The following ZNF611 variants were observed in gnomAD, a reference collection of about 807,000 sequenced individuals.
The protein encoded by ZNF611 is zinc finger protein 611.
Under a neutral mutation model 8.9 loss-of-function variants are expected in ZNF611, and 6 were observed. The ratio of observed to expected loss-of-function variants is 0.68; its 90% CI spans 0.37 to 1.34. ZNF611 has a LOEUF of 1.34. Ranked by LOEUF, ZNF611 falls within the 40% of genes most tolerant of loss-of-function variation. The pLI, the probability that ZNF611 is intolerant of heterozygous loss-of-function variation, is 0.02. For synonymous variants in ZNF611, 262 were observed against 279.7 expected (o/e 0.94, Z 0.63); for missense variants, 874 against 841.3 (o/e 1.04, Z -0.48).
intron 5 of ZNF611, chr19:52,708,491 C>CT (rs2062259413): frequency 6.6e-6 from 1 of 152,010 alleles, no homozygotes; most frequent in Admixed American, 6.6e-5. Context: ...GAGCGAGACT[C>CT]TGTCTCAAAA....
chr19:52,718,667 G>A (rs1055653020), intron 3 of ZNF611, among the ~76,000 whole-genome samples: 1 of 151,932 alleles, frequency 6.6e-6, no homozygotes, highest in African/African-American at 2.4e-5. Flanking sequence ...CCATGGTGGT[G>A]CGTGCCTCTA....
intron 1 of ZNF611, among the ~76,000 whole-genome samples, chr19:52,731,209 G>C (rs1293413121): frequency 6.6e-6 from 1 of 152,054 alleles, no homozygotes; most frequent in East Asian, 1.9e-4. Flanking sequence ...TGAAATTAGA[G>C]GCGTGTGCCA....
intron 3 of ZNF611, among the ~76,000 whole-genome samples, chr19:52,725,944 G>C (rs1195706293): frequency 6.6e-6 from 1 of 152,238 alleles, no homozygotes; most frequent in East Asian, 1.9e-4. Context: ...TGTTTTTCGG[G>C]TGTTTGGAGG....
intron 5 of ZNF611, among the ~76,000 whole-genome samples, chr19:52,713,133 T>C (rs79360371): frequency 0.03 from 4,628 of 151,762 alleles, 147 homozygotes; most frequent in African/African-American, 0.075. Flanking sequence ...AAGGAGGAGG[T>C]TGCAGTGAGC....
intron 3 of ZNF611, among the ~76,000 whole-genome samples, chr19:52,728,340 A>G (rs2062405048): frequency 6.6e-6 from 1 of 152,146 alleles, no homozygotes; most frequent in African/African-American, 2.4e-5. Flanking sequence ...GAAGTTCAAG[A>G]CCAGCCTGGC....
intron 3 of ZNF611, among the ~76,000 whole-genome samples, chr19:52,717,974 C>T (rs2062328866): frequency 1.3e-5 from 2 of 152,096 alleles, no homozygotes. Context: ...CATAGAGAAA[C>T]AATTTTAAAA....
In ZNF611 at chr19:52,728,710, A is replaced by G. The variant is rs1198908205; in HGVS notation, c.-20+20T>C. 4 of 152,672 alleles carry G rather than the reference A, an allele frequency of 2.6e-5. No individual in the cohort carries two copies. Among genetic ancestry groups the G allele is most frequent in the African/African-American group, 7.2e-5 (3 of 41,454 alleles). The allele number at this position is 152,672 out of a possible 1,614,324, so 9.5% of individuals were successfully genotyped here. On this transcript the variant is annotated intron_variant, in intron 3 of 5. Transcript: ENST00000652185. ...TCATTTACTTCCTTGTCTGTTTGAGATAGGGTGTAGCTCACTCACCCAAGC... is the reference window on the plus strand; with the variant it reads ...TCATTTACTTCCTTGTCTGTTTGAGGTAGGGTGTAGCTCACTCACCCAAGC...
At chr19:52,706,931 A>C in intron 5 of ZNF611, 67 bp from the exon 6 acceptor site, 1 of 1,532,120 alleles carries the variant, frequency 6.5e-7, no homozygotes, top group South Asian at 1.3e-5. Flanking sequence ...GAAGTGCATA[A>C]ATATGACACA....
intron 3 of ZNF611, among the ~76,000 whole-genome samples, chr19:52,719,207 C>T (rs952551745): frequency 2.2e-4 from 34 of 152,134 alleles, no homozygotes; most frequent in Non-Finnish European, 4.4e-4. Context: ...CACAAAAAAA[C>T]CAACCACATG....
rs113094312 is a variant in ZNF611, at chr19:52,711,896, C to T, written c.190+2119G>A. Among the ~76,000 whole-genome samples, 7 of 151,082 alleles carry T rather than the reference C, an allele frequency of 4.6e-5. No homozygotes were observed. The East Asian group carries it at 7.7e-4, about 17-fold the overall frequency. On this transcript the variant is annotated intron_variant, in intron 5 of 5. Transcript: ENST00000652185. ...CCAGGAAAGGAAGGGCAAGGGTGGA[C>T]GGCAGGAAGTAATGGGCATGTAGGA...
rs1440993612 is a variant in ZNF611, at chr19:52,706,849, C to T, written c.206G>A (p.Cys69Tyr). The T allele has an allele frequency of 3.1e-6, 5 of 1,609,300 alleles. No homozygotes were observed. Among genetic ancestry groups the T allele is most frequent in the Non-Finnish European group, 4.2e-6 (5 of 1,178,368 alleles). The change falls in exon 6 of 6, where the codon TGC (cysteine) becomes TAC (tyrosine). Residue 69 changes from cysteine (C) to tyrosine (Y), a missense_variant. Coordinates refer to ENST00000652185, the MANE Select transcript of ZNF611 (RefSeq NM_001161499.2). ...TGTTGACAAGACCTCCTTCATCATG[C>T]ATTTGGAAGAGATATCTACAAAATA... The part of the protein sequence containing the change: ...NLEAVDISSK[C>Y]MMKEVLSTGQ...
intron 3 of ZNF611, among the ~76,000 whole-genome samples, chr19:52,723,253 CT>C (rs56217135): frequency 0.014 from 1,472 of 103,134 alleles, 11 homozygotes; most frequent in African/African-American, 0.05. Flanking sequence ...CTTATTTAAC[CT>C]TTTTTTTTTT....
In ZNF611 at chr19:52,703,627, T is replaced by G. The variant is rs1248138706; in HGVS notation, c.*1310A>C. On this transcript the variant is annotated 3_prime_UTR_variant, in exon 6 of 6. Coordinates refer to ENST00000652185, the MANE Select transcript of ZNF611 (RefSeq NM_001161499.2). ...TTTTTTTTGAGATAGACTCTCACTC[T>G]GTCGCCCAGGCTGGAGCCCAGTGGT... 1 of 142,028 alleles carries G rather than the reference T, an allele frequency of 7.0e-6. No individual in the cohort carries two copies. The highest frequency in any genetic ancestry group is 2.2e-4 in the South Asian group (1 of 4,482). The allele number at this position is 142,028 out of a possible 1,614,324, so 8.8% of individuals were successfully genotyped here.
intron 5 of ZNF611, among the ~76,000 whole-genome samples, chr19:52,707,821 G>C (rs1224682998): frequency 6.6e-6 from 1 of 151,666 alleles, no homozygotes; most frequent in Non-Finnish European, 1.5e-5. Context: ...TTTTAGTAAA[G>C]ATGGGGACCA....
chr19:52,716,276 T>A (rs2147430282), intron 3 of ZNF611: 1 of 189,330 alleles, frequency 5.3e-6, no homozygotes, highest in African/African-American at 2.3e-5. Flanking sequence ...AATGCAGGAC[T>A]CAGAGCTTCC....
At chr19:52,732,010 C>T (rs1425527919) in intron 1 of ZNF611, among the ~76,000 whole-genome samples, 2 of 151,672 alleles carry the variant, frequency 1.3e-5, no homozygotes, top group Admixed American at 6.6e-5. Context: ...GTGGCTCACG[C>T]CTGTAATCCC....
At chr19:52,722,292 G>A (rs774971143) in intron 3 of ZNF611, among the ~76,000 whole-genome samples, 1 of 152,030 alleles carries the variant, frequency 6.6e-6, no homozygotes, top group Non-Finnish European at 1.5e-5. Context: ...TGAGGGAGGA[G>A]GATCACTTGA....
intron 5 of ZNF611, among the ~76,000 whole-genome samples, chr19:52,712,089 AT>A (rs1442929003): frequency 1.3e-5 from 2 of 152,276 alleles, no homozygotes; most frequent in Admixed American, 6.5e-5. Flanking sequence ...AGATCCAACA[AT>A]GCAGCAGTAC....
chr19:52,732,522 TGA>T (rs2062432657), intron 1 of ZNF611, among the ~76,000 whole-genome samples: 1 of 110,276 alleles, frequency 9.1e-6, no homozygotes, highest in Non-Finnish European at 1.8e-5. Flanking sequence ...CTCACAGTAT[TGA>T]GTTATTCAGA....
Sources: allele counts gnomAD v4.1 joint callset (sites outside exome capture counted in the v4.1 genomes callset), GRCh38; gene constraint gnomAD v4.1.1; transcripts MANE v1.5; gene names NCBI Gene and HGNC (gene_info 2026-07-23, HGNC 2026-07-21).